The following PARD3B variants were observed in gnomAD, a reference collection of about 807,000 sequenced individuals.
PARD3B encodes the protein partitioning defective 3 homolog B.
A neutral mutation model predicts 130.2 loss-of-function variants in PARD3B; 103 were observed. That is an observed-to-expected ratio of 0.79 (90% CI 0.67 to 0.93). PARD3B has a LOEUF of 0.93. PARD3B is among the 40% of genes least tolerant of loss of function. The probability of loss-of-function intolerance (pLI) is 0.00; values close to 1 mark genes in which losing one functional copy is unlikely to be tolerated. For synonymous variants in PARD3B, 583 were observed against 553.2 expected (o/e 1.05, Z -0.76); for missense variants, 1,609 against 1,499.2 (o/e 1.07, Z -1.21).
chr2:205,198,401 G>A (rs2036809625), intron 15 of PARD3B, among the ~76,000 whole-genome samples: 1 of 152,170 alleles, frequency 6.6e-6, no homozygotes, highest in African/African-American at 2.4e-5. Context: ...TTAAGAAAGA[G>A]CATGTGTCCT....
chr2:205,125,689 A>G lies in PARD3B; in HGVS notation c.1386A>G (p.Ala462=), dbSNP rs1399164756. ...MLRSTKQGET[A]SLVIARQEGH... Reference sequence around the variant, plus strand: ...GGAGCACCAAGCAGGGGGAGACAGCATCGCTGGTCATTGCCCGCCAAGAAG... The same window carrying G: ...GGAGCACCAAGCAGGGGGAGACAGCGTCGCTGGTCATTGCCCGCCAAGAAG... Residue 462 remains alanine (A), a synonymous_variant, in exon 10 of 23, where the codon GCA becomes GCG. Coordinates refer to ENST00000406610, the MANE Select transcript of PARD3B (RefSeq NM_001302769.2). The surrounding 1 kb of genome is among the most constrained non-coding windows in gnomAD (Gnocchi z 4.0). 6.2e-7 allele frequency: 1 copy of G among 1,614,150 alleles called. No individual in the cohort carries two copies. The highest frequency in any genetic ancestry group is 8.5e-7 in the Non-Finnish European group (1 of 1,180,044).
chr2:205,140,152 C>T (rs371306774), intron 10 of PARD3B, among the ~76,000 whole-genome samples: 16 of 152,200 alleles, frequency 1.1e-4, no homozygotes, highest in East Asian at 7.7e-4. Flanking sequence ...CCAAGGCCAC[C>T]GGGCAGGTAG....
intron 18 of PARD3B, among the ~76,000 whole-genome samples, chr2:205,364,822 A>C (rs1361428493): frequency 6.6e-6 from 1 of 152,148 alleles, no homozygotes; most frequent in Non-Finnish European, 1.5e-5. Context: ...ACCTACTCAC[A>C]TGTAATAATT....
At chr2:205,385,822 T>C (rs1269717606) in intron 18 of PARD3B, among the ~76,000 whole-genome samples, 1 of 152,098 alleles carries the variant, frequency 6.6e-6, no homozygotes, top group Non-Finnish European at 1.5e-5. Flanking sequence ...TATAAATATA[T>C]AGGTATTTCA....
In PARD3B at chr2:204,604,465, T is replaced by C. The variant is rs148739366; in HGVS notation, c.120+58346T>C. Among the ~76,000 whole-genome samples the C allele has an allele frequency of 3.9e-3, 588 of 152,360 alleles. 4 individuals are homozygous for C. The highest frequency in any genetic ancestry group is 0.014 in the African/African-American group (566 of 41,580). On this transcript the variant is annotated intron_variant, in intron 1 of 22. Transcript: ENST00000406610. ...CTGTTTTAACATCCAGTCTTTCCAA[T>C]GGACATTTTTAGAGCACAGATATCT...
intron 22 of PARD3B, among the ~76,000 whole-genome samples, chr2:205,583,952 C>A (rs951527793): frequency 1.3e-5 from 2 of 152,166 alleles, no homozygotes; most frequent in Non-Finnish European, 2.9e-5. Flanking sequence ...TTTACACATT[C>A]TCCTTCATTT....
In PARD3B at chr2:205,572,026, T is replaced by C. The variant is rs1411446995; in HGVS notation, c.3260+18623T>C. On this transcript the variant is annotated intron_variant, in intron 22 of 22. Transcript: ENST00000406610. The surrounding 1 kb of genome is among the most constrained non-coding windows in gnomAD (Gnocchi z 4.2). ...ATGGGAAATTGGAGCAGTCGAGCTG[T>C]GGAGTTATTTTGTTTATTGTTCTGA... Among the ~76,000 whole-genome samples the C allele has an allele frequency of 6.6e-6, 1 of 152,180 alleles. No homozygotes were observed. Among genetic ancestry groups the C allele is most frequent in the African/African-American group, 2.4e-5 (1 of 41,460 alleles).
At chr2:205,468,448 G>A (rs763719205) in intron 20 of PARD3B, among the ~76,000 whole-genome samples, 2 of 152,224 alleles carry the variant, frequency 1.3e-5, no homozygotes, top group Non-Finnish European at 2.9e-5. Flanking sequence ...TGTAACAACA[G>A]ATGTAGTCTT....
chr2:205,334,903 C>T (rs922896439), intron 18 of PARD3B, among the ~76,000 whole-genome samples: 5 of 152,194 alleles, frequency 3.3e-5, no homozygotes, highest in African/African-American at 9.6e-5. Flanking sequence ...GATGTGCATA[C>T]TTGGTGATAC....
Position 205,301,729 on chromosome 2 carries a change from G to A in PARD3B, c.2630+28G>A. The A allele has an allele frequency of 6.2e-7, 1 of 1,613,858 alleles. No individual in the cohort carries two copies. The highest frequency in any genetic ancestry group is 8.5e-7 in the Non-Finnish European group (1 of 1,179,824). On this transcript the variant is annotated intron_variant, in intron 18 of 22. Coordinates refer to ENST00000406610, the MANE Select transcript of PARD3B (RefSeq NM_001302769.2). This position sits in a 1 kb window ranked among gnomAD's most constrained non-coding sequence, Gnocchi z 5.2. ...ATGGGCCTGCTTTGAAGGCAAAGTT[G>A]GTTCTCATTTTGTCTCTCCTGGTAA...
intron 2 of PARD3B, among the ~76,000 whole-genome samples, chr2:204,934,168 A>G (rs983586675): frequency 6.6e-6 from 1 of 152,102 alleles, no homozygotes; most frequent in African/African-American, 2.4e-5. Flanking sequence ...CTGCCTTGAC[A>G]TTTTTTACTT....
rs1055694342 is a variant in PARD3B, at chr2:205,268,187, C to G, written c.2185+22365C>G. On this transcript the variant is annotated intron_variant, in intron 16 of 22. Coordinates refer to ENST00000406610, the MANE Select transcript of PARD3B (RefSeq NM_001302769.2). This position sits in a 1 kb window ranked among gnomAD's most constrained non-coding sequence, Gnocchi z 4.1. ...TAATACCAAGCCCAAGAAGGAACTGCTGATCATCAGGGATCTGATCACAAA... is the reference window on the plus strand; with the variant it reads ...TAATACCAAGCCCAAGAAGGAACTGGTGATCATCAGGGATCTGATCACAAA... Among the ~76,000 whole-genome samples, 1 of 152,326 alleles carries G rather than the reference C, an allele frequency of 6.6e-6. No individual in the cohort carries two copies. The highest frequency in any genetic ancestry group is 1.9e-4 in the East Asian group (1 of 5,184).
rs985542947 is a variant in PARD3B, at chr2:204,678,439, A to C, written c.121-7742A>C. ...TCTTGTCTGGCATCCAGGAAGAATCAGGTCACACGGACTTGAAGGATGTTG... is the reference window on the plus strand; with the variant it reads ...TCTTGTCTGGCATCCAGGAAGAATCCGGTCACACGGACTTGAAGGATGTTG... On this transcript the variant is annotated intron_variant, in intron 1 of 22. Transcript: ENST00000406610. This position sits in a 1 kb window ranked among gnomAD's most constrained non-coding sequence, Gnocchi z 4.2. Among the ~76,000 whole-genome samples, 2 of 152,142 alleles carry C rather than the reference A, an allele frequency of 1.3e-5. No homozygotes were observed. Among genetic ancestry groups the C allele is most frequent in the African/African-American group, 4.8e-5 (2 of 41,428 alleles).
chr2:205,413,093 C>G (rs1352333054), intron 19 of PARD3B, among the ~76,000 whole-genome samples: 1 of 152,148 alleles, frequency 6.6e-6, no homozygotes, highest in Non-Finnish European at 1.5e-5. Context: ...TGAAGCCTAG[C>G]TGTTCCCTGT....
At chr2:205,145,306 A>G (rs2033270596) in intron 10 of PARD3B, among the ~76,000 whole-genome samples, 1 of 148,416 alleles carries the variant, frequency 6.7e-6, no homozygotes, top group African/African-American at 2.5e-5. Context: ...AAACTTCCCA[A>G]TCCAACCCTC....
At chr2:204,835,490 C>T (rs535565387) in intron 2 of PARD3B, among the ~76,000 whole-genome samples, 2 of 152,310 alleles carry the variant, frequency 1.3e-5, no homozygotes, top group Admixed American at 1.3e-4. Context: ...CCTCTCTTCT[C>T]TTACCTACCC....
In PARD3B at chr2:205,292,731, A is replaced by C. The variant is rs1022939350; in HGVS notation, c.2186-7799A>C. Among the ~76,000 whole-genome samples the C allele has an allele frequency of 2.6e-5, 4 of 152,230 alleles. No individual in the cohort carries two copies. The highest frequency in any genetic ancestry group is 7.2e-5 in the African/African-American group (3 of 41,464). On this transcript the variant is annotated intron_variant, in intron 16 of 22. Coordinates refer to ENST00000406610, the MANE Select transcript of PARD3B (RefSeq NM_001302769.2). This position sits in a 1 kb window ranked among gnomAD's most constrained non-coding sequence, Gnocchi z 5.3. ...TCTAGTTTTCTCTCATCATGAACAT[A>C]CAGTTGAATTTGGGTAAGATCAATT...
At chr2:205,071,266 A>C (rs1700712153) in intron 4 of PARD3B, among the ~76,000 whole-genome samples, 1 of 152,078 alleles carries the variant, frequency 6.6e-6, no homozygotes. Context: ...TCCTTTATGG[A>C]ACAGCAAGAT....
chr2:204,555,196 C>T (rs76164662), intron 1 of PARD3B, among the ~76,000 whole-genome samples: 1 of 152,156 alleles, frequency 6.6e-6, no homozygotes, highest in East Asian at 1.9e-4. Flanking sequence ...TGCCTGGTTT[C>T]CTGCAGACTT....
Sources: allele counts gnomAD v4.1 joint callset (sites outside exome capture counted in the v4.1 genomes callset), GRCh38; gene constraint gnomAD v4.1.1; non-coding constraint Gnocchi (gnomAD v3.1); transcripts MANE v1.5; gene names NCBI Gene and HGNC (gene_info 2026-07-23, HGNC 2026-07-21).